The following MCM8 variants were observed in gnomAD, a reference collection of about 807,000 sequenced individuals.
MCM8 encodes minichromosome maintenance 8 homologous recombination repair factor.
MCM8 carries 85 observed loss-of-function variants against 98.9 expected under a neutral mutation model. The ratio of observed to expected loss-of-function variants is 0.86; its 90% confidence interval spans 0.72 to 1.03. The LOEUF is 1.03. Ranked by LOEUF, MCM8 falls within the 50% of genes least tolerant of loss-of-function variation. MCM8 has a pLI of 0.00. For missense variants in MCM8, 951 were observed against 997.8 expected (o/e 0.95, Z 0.63); for synonymous variants, 352 against 338.6 (o/e 1.04, Z -0.44).
intron 7 of MCM8, among the ~76,000 whole-genome samples, chr20:5,961,853 G>A (rs1015458640): frequency 5.3e-5 from 8 of 152,182 alleles, no homozygotes; most frequent in African/African-American, 1.9e-4. Flanking sequence ...TCTGAACTGT[G>A]GGGCTTTGAA....
chr20:5,974,335 C>G (rs1379149139), intron 12 of MCM8, among the ~76,000 whole-genome samples: 1 of 152,056 alleles, frequency 6.6e-6, no homozygotes, highest in African/African-American at 2.4e-5. Context: ...CCATGTTGCC[C>G]AGGCTGGTCT....
Position 5,984,956 on chromosome 20 carries a change from G to A in MCM8, c.1909G>A (p.Val637Ile), listed in dbSNP as rs141935061. 1.4e-5 allele frequency: 22 copies of A among 1,613,982 alleles called. No homozygotes were observed. The Middle Eastern group carries it at 8.2e-4, about 61-fold the overall frequency. Residue 637 changes from valine to isoleucine, a missense_variant, in exon 15 of 19, where the codon GTA becomes ATA. Val to Ile is a conservative substitution (Grantham distance 29, BLOSUM62 3). Coordinates refer to ENST00000610722, the MANE Select transcript of MCM8 (RefSeq NM_032485.6). ...RMNSQDSNTSVLEVVSEKPLS... is the reference protein window; with the variant it reads ...RMNSQDSNTSILEVVSEKPLS... ...GAATAGTCAAGATTCAAATACTTCCGTACTTGAAGTAGTTTCTGAGAAGCC... is the reference window on the plus strand; with the variant it reads ...GAATAGTCAAGATTCAAATACTTCCATACTTGAAGTAGTTTCTGAGAAGCC...
chr20:5,966,896 C>T (rs967497676), intron 8 of MCM8, among the ~76,000 whole-genome samples: 3 of 152,160 alleles, frequency 2.0e-5, no homozygotes, highest in Non-Finnish European at 2.9e-5. Flanking sequence ...ACGCATTCTT[C>T]CCCTACCCAC....
rs563804369 is a variant in MCM8, at chr20:5,951,799, T to G, written c.-5-212T>G. On this transcript the variant is annotated intron_variant, in intron 1 of 18. Transcript: ENST00000610722. ...TACGTAAACCATATTTAATAGTTAT[T>G]AAACTATTATGGTATACCTTAAAAA... 7.9e-5 allele frequency among the ~76,000 whole-genome samples: 12 copies of G among 152,354 alleles called. 1 individual carries two copies. Among genetic ancestry groups the G allele is most frequent in the South Asian group, 4.1e-4 (2 of 4,830 alleles).
chr20:5,998,011 T>C lies in MCM8; in HGVS notation c.*3620T>C, dbSNP rs906479219. 29 of 152,354 alleles carry C rather than the reference T, an allele frequency of 1.9e-4. No individual in the cohort carries two copies. The highest frequency in any genetic ancestry group is 6.5e-4 in the African/African-American group (27 of 41,586). The allele number at this position is 152,354 out of a possible 1,614,324, so 9.4% of individuals were successfully genotyped here. A position where few individuals can be genotyped will look rare whatever the true frequency, so the allele number is the denominator to read the frequency against. Reference sequence around the variant, plus strand: ...AGAGGAATAAACACCACCCTGTGATTGATGGATCTTTATAGCTCTCCTTTG... The same window carrying C: ...AGAGGAATAAACACCACCCTGTGATCGATGGATCTTTATAGCTCTCCTTTG... On this transcript the variant is annotated 3_prime_UTR_variant, in exon 19 of 19. Coordinates refer to ENST00000610722, the MANE Select transcript of MCM8 (RefSeq NM_032485.6).
rs1359493356 is a variant in MCM8 at position 5,994,466 on chromosome 20, C to CACAG, written c.*87_*90dup. On this transcript the variant is annotated 3_prime_UTR_variant, in exon 19 of 19. Coordinates refer to ENST00000610722, the MANE Select transcript of MCM8 (RefSeq NM_032485.6). Reference sequence around the variant, plus strand: ...ATCTCAGTGAAGATATGCGTGCACGCACAGACAGACAGACACACACACACA... The same window carrying CACAG: ...ATCTCAGTGAAGATATGCGTGCACGCACAGACAGACAGACAGACACACACACACA... 2.2e-4 allele frequency: 154 copies of CACAG among 694,098 alleles called. No individual in the cohort carries two copies. The highest frequency in any genetic ancestry group is 6.6e-4 in the South Asian group (38 of 58,004). The allele number at this position is 694,098 out of a possible 1,614,324, so 43.0% of individuals were successfully genotyped here. A position where few individuals can be genotyped will look rare whatever the true frequency, so the allele number is the denominator to read the frequency against.
Position 5,971,993 on chromosome 20 carries a change from G to A in MCM8, c.1224-14G>A, listed in dbSNP as rs759958188. On this transcript the variant is annotated splice_polypyrimidine_tract_variant and intron_variant, in intron 10 of 18. Transcript: ENST00000610722. ...GTATAAATTAGAATTTATAAGTTGT[G>A]TTCTGTTTTTCAGCTCGCTTTGCCC... 8 of 1,609,120 alleles carry A rather than the reference G, an allele frequency of 5.0e-6. No homozygotes were observed. Among genetic ancestry groups the A allele is most frequent in the Middle Eastern group, 3.3e-4 (2 of 6,054 alleles).
rs1331004679 is a variant in MCM8 at position 5,997,647 on chromosome 20, T to G, written c.*3256T>G. The G allele has an allele frequency of 6.6e-6, 1 of 152,332 alleles. No individual in the cohort carries two copies. The highest frequency in any genetic ancestry group is 6.5e-5 in the Admixed American group (1 of 15,280). The allele number at this position is 152,332 out of a possible 1,614,324, so 9.4% of individuals were successfully genotyped here. ...GAAATTTTAAGAGATGGGGGTCTTG[T>G]TCTGTCGCCCAGGCTGGAGTGCAGT... On this transcript the variant is annotated 3_prime_UTR_variant, in exon 19 of 19. Coordinates refer to ENST00000610722, the MANE Select transcript of MCM8 (RefSeq NM_032485.6).
chr20:5,968,927 G>A (rs1453466629), intron 10 of MCM8, among the ~76,000 whole-genome samples: 1 of 152,194 alleles, frequency 6.6e-6, no homozygotes, highest in Non-Finnish European at 1.5e-5. Context: ...GCCATGCCGT[G>A]GAGAAGCAGC....
chr20:5,950,736 T>A lies in MCM8; in HGVS notation c.-293T>A, dbSNP rs2088797308. 8.7e-6 allele frequency: 2 copies of A among 230,214 alleles called. No homozygotes were observed. Among genetic ancestry groups the A allele is most frequent in the Non-Finnish European group, 1.7e-5 (2 of 115,478 alleles). The allele number at this position is 230,214 out of a possible 1,614,324, so 14.3% of individuals were successfully genotyped here. The stretch of plus-strand genomic sequence containing the variant: ...TTCGCTTGAGGCATTTTTGCGGCGC[T>A]GTGCGCTACAGACACCTTCTGGAAG... On this transcript the variant is annotated 5_prime_UTR_variant, in exon 1 of 19. Coordinates refer to ENST00000610722, the MANE Select transcript of MCM8 (RefSeq NM_032485.6).
intron 9 of MCM8, 114 bp from the exon 10 acceptor site, chr20:5,967,716 C>T (rs6076903): frequency 2.2e-6 from 3 of 1,365,000 alleles, no homozygotes; most frequent in Non-Finnish European, 3.0e-6. Flanking sequence ...GAAACATTCC[C>T]TTTTAAAAAA....
chr20:5,965,021 G>C (rs1474909507), intron 8 of MCM8, among the ~76,000 whole-genome samples: 1 of 152,058 alleles, frequency 6.6e-6, no homozygotes, highest in Non-Finnish European at 1.5e-5. Flanking sequence ...AAACATACTT[G>C]TTCTTTTATC....
Position 5,987,333 on chromosome 20 carries a change from G to A in MCM8, c.2215G>A (p.Asp739Asn), listed in dbSNP as rs1378207867. 42 of 1,612,568 alleles carry A rather than the reference G, an allele frequency of 2.6e-5. No individual in the cohort carries two copies. The East Asian group carries it at 9.4e-4, about 36-fold the overall frequency. Reference protein sequence around the residue: ...REEATKEDAEDIVEIMKYSML... With the variant: ...REEATKEDAENIVEIMKYSML... ...GGAAGCAACCAAAGAAGACGCTGAG[G>A]ATATAGTGGAAATTATGAAATATAG... Residue 739 changes from aspartate to asparagine, a missense_variant, in exon 17 of 19, where the codon GAT becomes AAT. Transcript: ENST00000610722.
In MCM8 at chr20:5,955,662, G is replaced by A. The variant is rs371811765; in HGVS notation, c.486+411G>A. Among the ~76,000 whole-genome samples, 19 of 152,266 alleles carry A rather than the reference G, an allele frequency of 1.2e-4. No individual in the cohort carries two copies. In the South Asian group the frequency reaches 3.3e-3, roughly 27 times the overall value. On this transcript the variant is annotated intron_variant, in intron 5 of 18. Coordinates refer to ENST00000610722, the MANE Select transcript of MCM8 (RefSeq NM_032485.6). ...TGTGGCATGAAGCAAACCACTGAGTGTCCCTGTATATCAAATGTAAATAAC... is the reference window on the plus strand; with the variant it reads ...TGTGGCATGAAGCAAACCACTGAGTATCCCTGTATATCAAATGTAAATAAC...
intron 17 of MCM8, among the ~76,000 whole-genome samples, chr20:5,990,704 T>C (rs2122836387): frequency 6.6e-6 from 1 of 152,272 alleles, no homozygotes; most frequent in African/African-American, 2.4e-5. Flanking sequence ...AGATATTTTT[T>C]CCCATTAGGA....
At chr20:5,989,134 T>C (rs1029892819) in intron 17 of MCM8, among the ~76,000 whole-genome samples, 11 of 150,032 alleles carry the variant, frequency 7.3e-5, no homozygotes, top group African/African-American at 2.8e-4. Context: ...TTTTTTTTTT[T>C]TTGAGACAGT....
At chr20:5,986,354 ACTTTT>A (rs144085790) in intron 16 of MCM8, among the ~76,000 whole-genome samples, 2,085 of 152,290 alleles carry the variant, frequency 0.014, 50 homozygotes, top group African/African-American at 0.047. Flanking sequence ...TTAGCATGCA[ACTTTT>A]CTTTTGTTTT....
chr20:5,955,034 G>C, intron 4 of MCM8, 68 bp from the exon 5 acceptor site: 1 of 1,078,466 alleles, frequency 9.3e-7, no homozygotes, highest in South Asian at 1.5e-5. Flanking sequence ...GTCTATAATA[G>C]AATGCTCAGT....
chr20:5,966,668 C>A (rs2089281014), intron 8 of MCM8, among the ~76,000 whole-genome samples: 1 of 152,116 alleles, frequency 6.6e-6, no homozygotes, highest in African/African-American at 2.4e-5. Context: ...AGTTTTTTCT[C>A]ACAAGACTTT....
Sources: gnomAD v4.1 joint callset for allele counts (sites outside exome capture counted in the v4.1 genomes callset) on GRCh38, gnomAD v4.1.1 for gene constraint, MANE v1.5 for transcripts, NCBI Gene and HGNC (gene_info 2026-07-23, HGNC 2026-07-21) for gene names.